The following VPS13D variants were observed in gnomAD, a reference collection of about 807,000 sequenced individuals.
The protein encoded by VPS13D is vacuolar protein sorting 13 homolog D, also known as intermembrane lipid transfer protein VPS13D.
Under a neutral mutation model 461.9 loss-of-function variants are expected in VPS13D, and 187 were observed. That is an observed-to-expected ratio of 0.40 (90% CI 0.36 to 0.46). The LOEUF is 0.46. VPS13D is among the 20% of genes least tolerant of loss of function. The pLI is 0.60. For synonymous variants in VPS13D, 1,951 were observed against 1,986.3 expected (o/e 0.98, Z 0.47); for missense variants, 4,711 against 5,364.9 (o/e 0.88, Z 3.81).
intron 24 of VPS13D, among the ~76,000 whole-genome samples, chr1:12,295,242 A>C (rs927492296): frequency 7.9e-4 from 119 of 150,910 alleles, no homozygotes; most frequent in African/African-American, 2.8e-3. Context: ...AAAAAAAAAC[A>C]AAACTTTATT....
chr1:12,433,660 C>T (rs1348572456), intron 65 of VPS13D, among the ~76,000 whole-genome samples: 1 of 152,182 alleles, frequency 6.6e-6, no homozygotes, highest in African/African-American at 2.4e-5. Flanking sequence ...TCATTCAGGC[C>T]TGTAACACAA....
At chr1:12,401,466 A>T (rs1427686819) in intron 61 of VPS13D, 142 bp from the exon 62 acceptor site, 1 of 562,760 alleles carries the variant, frequency 1.8e-6, no homozygotes, top group Non-Finnish European at 3.1e-6. Flanking sequence ...ATAGAGAGAG[A>T]TAACCCAGAA....
In VPS13D at chr1:12,436,490, C is replaced by T. The variant is rs1645062365; in HGVS notation, c.12334-19508C>T. 2.0e-5 allele frequency among the ~76,000 whole-genome samples: 3 copies of T among 152,188 alleles called. No individual in the cohort carries two copies. The South Asian group carries it at 6.2e-4, about 31-fold the overall frequency. ...GAGGAGCTGGCCTAGTGGGGAAAGA[C>T]TGGCTCATTGTACATCCCTTTGTTT... On this transcript the variant is annotated intron_variant, in intron 65 of 69. Transcript: ENST00000620676.
chr1:12,239,204 AG>A (rs1557657494), intron 2 of VPS13D, among the ~76,000 whole-genome samples: 1 of 151,944 alleles, frequency 6.6e-6, no homozygotes, highest in African/African-American at 2.4e-5. Context: ...GGCACCATCA[AG>A]GTTCACTGCA....
At chr1:12,336,084 T>A in intron 39 of VPS13D, 1 of 405,778 alleles carries the variant, frequency 2.5e-6, no homozygotes, top group South Asian at 2.9e-5. Flanking sequence ...ATCCTGGTAA[T>A]AATGCATATG....
chr1:12,354,298 T>C, intron 47 of VPS13D, 77 bp downstream of exon 47: 6 of 1,542,850 alleles, frequency 3.9e-6, no homozygotes, highest in Non-Finnish European at 5.3e-6. Context: ...ATTTATTTGG[T>C]AAGCATCTTG....
rs74053831 is a variant in VPS13D at position 12,261,561 on chromosome 1, C to T, written c.1415-340C>T. Among the ~76,000 whole-genome samples, 1,202 of 152,338 alleles carry T rather than the reference C, an allele frequency of 7.9e-3. 16 individuals are homozygous for T. Among genetic ancestry groups the T allele is most frequent in the African/African-American group, 0.028 (1,145 of 41,552 alleles). ...TGCACTAGCACATTAGCCACGTGTG[C>T]TCCCAGTGCTCAGTAGCCACATGTG... is the stretch of plus-strand genomic sequence containing the variant. On this transcript the variant is annotated intron_variant, in intron 12 of 69. Coordinates refer to ENST00000620676, the MANE Select transcript of VPS13D (RefSeq NM_015378.4).
chr1:12,328,545 C>CTT (rs145522516), intron 36 of VPS13D, among the ~76,000 whole-genome samples: 1 of 147,912 alleles, frequency 6.8e-6, no homozygotes, highest in African/African-American at 2.5e-5. Context: ...AAGTTGAGGT[C>CTT]TTTTTTTTTT....
chr1:12,435,664 C>G (rs1645050260), intron 65 of VPS13D, among the ~76,000 whole-genome samples: 1 of 151,638 alleles, frequency 6.6e-6, no homozygotes, highest in African/African-American at 2.4e-5. Flanking sequence ...AACCGAGATT[C>G]TCTGATTCAG....
chr1:12,301,504 G>A (rs12568198), intron 25 of VPS13D, among the ~76,000 whole-genome samples: 3,085 of 152,280 alleles, frequency 0.02, 131 homozygotes, highest in Admixed American at 0.11. Flanking sequence ...GCGAGACCCC[G>A]CAGCGTCCCG....
rs765158207 is a variant in VPS13D, at chr1:12,506,892, C to T, written c.12834C>T (p.Leu4278=). The T allele has an allele frequency of 2.2e-5, 36 of 1,614,136 alleles. No homozygotes were observed. Among genetic ancestry groups the T allele is most frequent in the Non-Finnish European group, 2.2e-5 (26 of 1,180,052 alleles). ...AGAACATTGACAGCTACTGCGTGCT[C>T]ATCTCCTCCAAAGCTGTTTACTTCC... ...AVENIDSYCV[L]ISSKAVYFLK... is the part of the protein sequence containing the mutation. The change falls in exon 69 of 70, where the codon CTC becomes CTT. Residue 4278 remains leucine (L), a synonymous_variant. Transcript: ENST00000620676.
chr1:12,275,149 G>T (rs1481756637), intron 18 of VPS13D, among the ~76,000 whole-genome samples: 1 of 152,208 alleles, frequency 6.6e-6, no homozygotes, highest in Non-Finnish European at 1.5e-5. Context: ...AACCTGGGAG[G>T]TGGAGGTTGT....
intron 55 of VPS13D, 68 bp from the exon 56 acceptor site, chr1:12,378,360 T>G: frequency 6.9e-7 from 1 of 1,443,424 alleles, no homozygotes; most frequent in Non-Finnish European, 9.2e-7. Context: ...AGGAAGCTCT[T>G]GAAGTGAGGA....
chr1:12,337,138 G>T (rs1372232815), intron 39 of VPS13D: 1 of 152,004 alleles, frequency 6.6e-6, no homozygotes, highest in African/African-American at 2.4e-5. Context: ...CTGGTGCTGA[G>T]TTAAAGCTTG....
intron 65 of VPS13D, among the ~76,000 whole-genome samples, chr1:12,447,533 A>G (rs1480684299): frequency 6.6e-6 from 1 of 152,050 alleles, no homozygotes; most frequent in African/African-American, 2.4e-5. Context: ...GCCCTTACCT[A>G]CTCTGCCACA....
In VPS13D at chr1:12,279,171, C is replaced by G. The variant is rs1331210898; in HGVS notation, c.4451-328C>G. 6.6e-6 allele frequency among the ~76,000 whole-genome samples: 1 copy of G among 152,162 alleles called. No homozygotes were observed. The highest frequency in any genetic ancestry group is 6.5e-5 in the Admixed American group (1 of 15,272). ...AATAATTCGGTTTGGAAAATGCCAG[C>G]TTGGGTGGCTCAGAGAAGCATAATG... On this transcript the variant is annotated intron_variant, in intron 19 of 69. Transcript: ENST00000620676. The surrounding 1 kb of genome is among the most constrained non-coding windows in gnomAD (Gnocchi z 4.3).
chr1:12,378,644 CAG>C (rs1644233553), intron 56 of VPS13D, 53 bp downstream of exon 56: 1 of 1,434,384 alleles, frequency 7.0e-7, no homozygotes, highest in Non-Finnish European at 9.2e-7. Flanking sequence ...AATTCAGACT[CAG>C]AGGAAATCTA....
At chr1:12,324,628 A>C (rs1161948267) in intron 35 of VPS13D, among the ~76,000 whole-genome samples, 1 of 152,238 alleles carries the variant, frequency 6.6e-6, no homozygotes, top group Non-Finnish European at 1.5e-5. Context: ...CTGTAGAAAG[A>C]AGATAAGAGG....
rs1357641823 is a variant in VPS13D at position 12,333,285 on chromosome 1, A to G, written c.8347A>G (p.Ser2783Gly). ...TGTATCCTGGCAACAGCAGGCAGCT[A>G]GTCGTCTCCATCCTCCTCGACTGAA... ...CSVSWQQQAA[S>G]RLHPPRLKLE... Residue 2783 changes from serine (S) to glycine (G), a missense_variant, in exon 38 of 70, where the codon AGT (serine) becomes GGT (glycine). Transcript: ENST00000620676. 1.9e-6 allele frequency: 3 copies of G among 1,614,164 alleles called. No individual in the cohort carries two copies. The highest frequency in any genetic ancestry group is 2.5e-6 in the Non-Finnish European group (3 of 1,180,002).
Sources: gnomAD v4.1 joint callset for allele counts (sites outside exome capture counted in the v4.1 genomes callset) on GRCh38, gnomAD v4.1.1 for gene constraint, Gnocchi (gnomAD v3.1) non-coding constraint, MANE v1.5 for transcripts, NCBI Gene and HGNC (gene_info 2026-07-23, HGNC 2026-07-21) for gene names.